The following VPS29 variants were observed in gnomAD, a reference collection of about 807,000 sequenced individuals.
VPS29 encodes vacuolar protein sorting-associated protein 29.
VPS29 carries 2 observed loss-of-function variants against 20.0 expected under a neutral mutation model. That is an observed-to-expected ratio of 0.10 (90% CI 0.04 to 0.31). VPS29 has a LOEUF of 0.31. Among genes scored for constraint, VPS29 ranks in the 10% least tolerant of loss-of-function variants. VPS29 has a pLI of 1.00. For missense variants in VPS29, 120 were observed against 215.3 expected, an observed-to-expected ratio of 0.56 and a Z score of 2.77; for synonymous variants, 81 against 79.3, an observed-to-expected ratio of 1.02 and a Z score of -0.12.
At chr12:110,498,957 C>G (rs952639357) in intron 1 of VPS29, 1 of 484,898 alleles carries the variant, frequency 2.1e-6, no homozygotes, top group East Asian at 1.5e-4. Flanking sequence ...AGAAGAACAA[C>G]AACAACAACC....
At position 110,496,018 on chromosome 12, in the gene VPS29, G is replaced by A. The variant is rs369133923; in HGVS notation, c.189C>T (p.Phe63=). Residue 63 remains phenylalanine, a synonymous_variant, in exon 2 of 4, where the codon TTC becomes TTT. Transcript: ENST00000549578. ...AGDVHIVRGD[F]DENLNYPEQK... is the part of the protein sequence containing the mutation. The stretch of plus-strand genomic sequence containing the variant: ...GGAAAGGGAAATACATCACCTCATC[G>A]AAGTCTCCTCTCACAATATGAACAT... The A allele has an allele frequency of 7.2e-5, 111 of 1,541,580 alleles. No individual in the cohort carries two copies. The highest frequency in any genetic ancestry group is 9.2e-5 in the Non-Finnish European group (104 of 1,129,852).
chr12:110,502,008 C>G (rs1428100450), intron 1 of VPS29, 41 bp downstream of exon 1: 8 of 1,613,228 alleles, frequency 5.0e-6, no homozygotes, highest in Non-Finnish European at 6.8e-6. Context: ...CAGCACCCCA[C>G]CCGAGAGCCA....
In VPS29 at chr12:110,501,846, A is replaced by C. The variant is rs1421670798; in HGVS notation, c.3+203T>G. ...TCTGGCCCCTTGGGGCCGGGATACG[A>C]GACCTAGGCCAGCCGCACCCAGAGG... On this transcript the variant is annotated intron_variant, in intron 1 of 3. Coordinates refer to ENST00000549578, the MANE Select transcript of VPS29 (RefSeq NM_016226.5). 3.8e-6 allele frequency: 5 copies of C among 1,330,600 alleles called. No individual in the cohort carries two copies. In the African/African-American group the frequency reaches 5.8e-5, roughly 15 times the overall value. The allele number at this position is 1,330,600 out of a possible 1,614,324, so 82.4% of individuals were successfully genotyped here.
intron 1 of VPS29, chr12:110,501,620 G>A (rs1204716004): frequency 2.6e-6 from 4 of 1,534,398 alleles, no homozygotes; most frequent in Admixed American, 3.9e-5. Flanking sequence ...CTGCATTCGA[G>A]AGGCCAGCTT....
chr12:110,497,829 C>T (rs1196445234), intron 1 of VPS29, among the ~76,000 whole-genome samples: 4 of 151,810 alleles, frequency 2.6e-5, no homozygotes, highest in South Asian at 4.2e-4. Flanking sequence ...ACTCAGGAGG[C>T]GGAGGTTGCA....
chr12:110,495,423 A>G (rs564908962), intron 2 of VPS29, among the ~76,000 whole-genome samples: 1 of 152,310 alleles, frequency 6.6e-6, no homozygotes, highest in East Asian at 1.9e-4. Flanking sequence ...AAAACTTTAT[A>G]AACTTGGCTG....
rs541019699 is a variant in VPS29 at position 110,496,261 on chromosome 12, A to T, written c.4-58T>A. The stretch of plus-strand genomic sequence containing the variant: ...GTTAAACACAATATCAAAACAAAAT[A>T]GTCTCCTCTTGTAAGCCCCCTTTTA... On this transcript the variant is annotated intron_variant, in intron 1 of 3. Transcript: ENST00000549578. 37 of 1,450,206 alleles carry T rather than the reference A, an allele frequency of 2.6e-5. 1 individual carries two copies. The South Asian group carries it at 5.4e-4, about 21-fold the overall frequency. The allele number at this position is 1,450,206 out of a possible 1,614,324, so 89.8% of individuals were successfully genotyped here.
chr12:110,494,008 C>T lies in VPS29; in HGVS notation c.196-777G>A, dbSNP rs138647040. On this transcript the variant is annotated intron_variant, in intron 2 of 3. Transcript: ENST00000549578. Reference sequence around the variant, plus strand: ...CAAATATCAACTTAATTAATACAAACAATCCTAGAAGGTTCTATTATGATC... The same window carrying T: ...CAAATATCAACTTAATTAATACAAATAATCCTAGAAGGTTCTATTATGATC... Among the ~76,000 whole-genome samples the T allele has an allele frequency of 3.7e-3, 562 of 152,194 alleles. 4 individuals are homozygous for T. The highest frequency in any genetic ancestry group is 0.013 in the African/African-American group (531 of 41,530).
intron 1 of VPS29, among the ~76,000 whole-genome samples, chr12:110,497,871 G>A (rs1265498712): frequency 6.6e-6 from 1 of 151,934 alleles, no homozygotes; most frequent in East Asian, 1.9e-4. Flanking sequence ...ACTGGCACTG[G>A]ATGCCACTGG....
In VPS29 at chr12:110,492,864, C is replaced by T. The variant is rs1330397987; in HGVS notation, c.431+132G>A. 1.3e-5 allele frequency: 10 copies of T among 798,182 alleles called. No homozygotes were observed. The African/African-American group carries it at 1.4e-4, about 11-fold the overall frequency. The allele number at this position is 798,182 out of a possible 1,614,324, so 49.4% of individuals were successfully genotyped here. A position where few individuals can be genotyped will look rare whatever the true frequency, so the allele number is the denominator to read the frequency against. ...GTCTCAAACTCCTGGGCTCAAGCAA[C>T]CTGCCCTGGTCTCCCGAAGTGCTGG... On this transcript the variant is annotated intron_variant, in intron 3 of 3. Transcript: ENST00000549578.
chr12:110,499,640 C>CAAAAAAAAAAAAAAAAAAAAAAAAACA, intron 1 of VPS29: 1 of 642,142 alleles, frequency 1.6e-6, no homozygotes, highest in East Asian at 3.6e-5. Flanking sequence ...AAAAAGAAAC[C>CAAAAAAAAAAAAAAAAAAAAAAAAACA]AAAAAAAAAA....
chr12:110,500,437 G>C (rs2062989355), intron 1 of VPS29, among the ~76,000 whole-genome samples: 1 of 152,146 alleles, frequency 6.6e-6, no homozygotes, highest in Non-Finnish European at 1.5e-5. Flanking sequence ...CTTCTCCCAT[G>C]GATAGGTGTC....
chr12:110,493,337 T>A, intron 2 of VPS29, 106 bp from the exon 3 acceptor site: 2 of 779,040 alleles, frequency 2.6e-6, no homozygotes, highest in South Asian at 2.8e-5. Flanking sequence ...TTTGATGTAG[T>A]ACCCCACAAC....
At chr12:110,501,597 G>C in intron 1 of VPS29, 3 of 1,535,000 alleles carry the variant, frequency 2.0e-6, no homozygotes, top group Non-Finnish European at 2.6e-6. Flanking sequence ...AATTCTGCTC[G>C]CTACTTCCTG....
rs2062847545 is a variant in VPS29, at chr12:110,493,239, A to C, written c.196-8T>G. 1 of 1,478,854 alleles carries C rather than the reference A, an allele frequency of 6.8e-7. No individual in the cohort carries two copies. Among genetic ancestry groups the C allele is most frequent in the African/African-American group, 1.4e-5 (1 of 70,050 alleles). 91.6% of individuals were successfully genotyped at this position (1,478,854 alleles called of 1,614,324 possible). A position where few individuals can be genotyped will look rare whatever the true frequency, so the allele number is the denominator to read the frequency against. On this transcript the variant is annotated splice_polypyrimidine_tract_variant and splice_region_variant and intron_variant, in intron 2 of 3. Transcript: ENST00000549578. The stretch of plus-strand genomic sequence containing the variant: ...TTCTGGATAATTCAGATTCTAACAT[A>C]AGAAAAAGACGTAAGAAAATATGTA...
chr12:110,492,023 G>A lies in VPS29; in HGVS notation c.531C>T (p.Ile177=), dbSNP rs374307546. The A allele has an allele frequency of 5.0e-6, 8 of 1,613,064 alleles. No homozygotes were observed. The highest frequency in any genetic ancestry group is 2.2e-5 in the East Asian group (1 of 44,834). The change falls in exon 4 of 4, where the codon ATC becomes ATT. Residue 177 remains isoleucine (I), a synonymous_variant. Transcript: ENST00000549578. Reference sequence around the variant, plus strand: ...CCTGGCTTTAAGGTTTTTTGTATTCGATTCGTTCTACTTTCACATCATCTC... The same window carrying A: ...CCTGGCTTTAAGGTTTTTTGTATTCAATTCGTTCTACTTTCACATCATCTC... ...LIGDDVKVER[I]EYKKP
Position 110,493,006 on chromosome 12 carries a change from C to A in VPS29, c.421G>T (p.Ala141Ser). 2 of 1,611,886 alleles carry A rather than the reference C, an allele frequency of 1.2e-6. No homozygotes were observed. The highest frequency in any genetic ancestry group is 8.5e-7 in the Non-Finnish European group (1 of 1,179,078). Residue 141 changes from alanine (A) to serine (S), a missense_variant, in exon 3 of 4, where the codon GCC becomes TCC. Physicochemically the swap from Ala to Ser is moderately conservative, Grantham distance 99 (BLOSUM62 1). Transcript: ENST00000549578. Reference sequence around the variant, plus strand: ...TTCTATACTACTCACGTTTCCAAGGCATTATATGCCCCAGTGGCAGAACCT... The same window carrying A: ...TTCTATACTACTCACGTTTCCAAGGAATTATATGCCCCAGTGGCAGAACCT... ...NPGSATGAYN[A>S]LETNIIPSFV...
At chr12:110,501,781 G>T in intron 1 of VPS29, 1 of 1,081,986 alleles carries the variant, frequency 9.2e-7, no homozygotes, top group Non-Finnish European at 1.4e-6. Flanking sequence ...CTCGTGACAG[G>T]TCGGGCTGCT....
At chr12:110,492,599 T>TTTTATTTTATTTA (rs1555204594) in intron 3 of VPS29, among the ~76,000 whole-genome samples, 1 of 132,344 alleles carries the variant, frequency 7.6e-6, no homozygotes, top group African/African-American at 2.9e-5. Context: ...TTTATTTTTA[T>TTTTATTTTATTTA]TTTATTTATT....
Sources: allele counts gnomAD v4.1 joint callset (sites outside exome capture counted in the v4.1 genomes callset), GRCh38; gene constraint gnomAD v4.1.1; transcripts MANE v1.5; gene names NCBI Gene and HGNC (gene_info 2026-07-23, HGNC 2026-07-21).